ADAM12: variants seen among roughly 807,000 people sequenced by gnomAD.
ADAM12 encodes disintegrin and metalloproteinase domain-containing protein 12.
In ADAM12, 70 loss-of-function variants were observed where a neutral mutation model predicts 106.4. That is an observed-to-expected ratio of 0.66 (90% CI 0.54 to 0.80). The LOEUF (loss-of-function observed/expected upper bound fraction) is 0.80, where lower values mean the gene tolerates loss of function less well. Among genes scored for constraint, ADAM12 ranks in the 30% least tolerant of loss-of-function variants. The probability of loss-of-function intolerance (pLI) is 0.00; values close to 1 mark genes in which losing one functional copy is unlikely to be tolerated. For missense variants in ADAM12, 1,010 were observed against 1,171.9 expected (o/e 0.86, Z 2.02); for synonymous variants, 420 against 433.5 (o/e 0.97, Z 0.39).
intron 1 of ADAM12, among the ~76,000 whole-genome samples, chr10:126,359,149 C>A (rs1166111740): frequency 6.6e-6 from 1 of 152,080 alleles, no homozygotes; most frequent in African/African-American, 2.4e-5. Flanking sequence ...TGACCTGCAC[C>A]CATGATTCAA....
chr10:126,065,421 G>A (rs182544484), intron 13 of ADAM12, among the ~76,000 whole-genome samples: 270 of 152,276 alleles, frequency 1.8e-3, no homozygotes, highest in African/African-American at 6.3e-3. Flanking sequence ...GGCATGTGTG[G>A]GCAAGTTAAT....
chr10:126,094,465 A>G (rs3781031), intron 10 of ADAM12, among the ~76,000 whole-genome samples: 29,433 of 152,046 alleles, frequency 0.19, 4,008 homozygotes, highest in African/African-American at 0.35. Flanking sequence ...CATTGAATGA[A>G]GCAAAAAGTC....
intron 5 of ADAM12, 28 bp downstream of exon 5, chr10:126,135,556 T>C (rs1956389342): frequency 6.2e-7 from 1 of 1,606,746 alleles, no homozygotes; most frequent in South Asian, 1.1e-5. Context: ...GGCTGAAGAC[T>C]AGAGCCGCCA....
intron 11 of ADAM12, among the ~76,000 whole-genome samples, chr10:126,081,734 A>C (rs757406699): frequency 9.2e-5 from 14 of 152,204 alleles, no homozygotes; most frequent in Non-Finnish European, 8.8e-5. Flanking sequence ...AAACAAAAAG[A>C]TCAAAGTCTG....
intron 1 of ADAM12, among the ~76,000 whole-genome samples, chr10:126,374,891 A>G (rs1424683640): frequency 1.3e-5 from 2 of 152,134 alleles, no homozygotes; most frequent in South Asian, 4.1e-4. Context: ...AAACACACGA[A>G]TAAAATACAG....
intron 21 of ADAM12, among the ~76,000 whole-genome samples, chr10:126,023,475 TCA>T (rs1024256479): frequency 8.5e-5 from 13 of 152,172 alleles, no homozygotes; most frequent in African/African-American, 2.9e-4. Context: ...TGATACTCTT[TCA>T]CAGTGAGGAA....
At chr10:126,335,403 C>T (rs1392517681) in intron 1 of ADAM12, among the ~76,000 whole-genome samples, 1 of 152,102 alleles carries the variant, frequency 6.6e-6, no homozygotes, top group Non-Finnish European at 1.5e-5. Context: ...TAAGTGAAAG[C>T]AAAAAGTTGG....
At chr10:126,116,857 T>C (rs1309177459) in intron 6 of ADAM12, among the ~76,000 whole-genome samples, 1 of 152,150 alleles carries the variant, frequency 6.6e-6, no homozygotes, top group Non-Finnish European at 1.5e-5. Flanking sequence ...TTAGAAGGTA[T>C]CATTTGGGAT....
At chr10:126,129,052 T>G (rs1956259257) in intron 5 of ADAM12, among the ~76,000 whole-genome samples, 1 of 152,244 alleles carries the variant, frequency 6.6e-6, no homozygotes, top group Non-Finnish European at 1.5e-5. Context: ...CAGTCTCTAG[T>G]GTACGATCTG....
chr10:126,240,068 C>A lies in ADAM12; in HGVS notation c.260+38847G>T, dbSNP rs1256353662. Among the ~76,000 whole-genome samples, 3 of 152,212 alleles carry A rather than the reference C, an allele frequency of 2.0e-5. No homozygotes were observed. In the East Asian group the frequency reaches 5.8e-4, roughly 29 times the overall value. ...TCAGCTCCCTCCTGGCTTGCTGTAG[C>A]ATTGCGTCTACACTGCCCATTGGTG... On this transcript the variant is annotated intron_variant, in intron 3 of 22. Transcript: ENST00000448723.
At chr10:126,132,532 CCCCT>C (rs977873555) in intron 5 of ADAM12, among the ~76,000 whole-genome samples, 6 of 141,900 alleles carry the variant, frequency 4.2e-5, no homozygotes, top group African/African-American at 1.3e-4. Context: ...ACACCCCCCC[CCCCT>C]CAACTAGTCC....
intron 2 of ADAM12, among the ~76,000 whole-genome samples, chr10:126,301,152 T>C (rs1960604843): frequency 6.6e-6 from 1 of 152,092 alleles, no homozygotes; most frequent in South Asian, 2.1e-4. Flanking sequence ...GTACCCTCCC[T>C]CTCCCCAGCA....
intron 3 of ADAM12, among the ~76,000 whole-genome samples, chr10:126,183,656 G>C (rs565979798): frequency 6.6e-6 from 1 of 152,312 alleles, no homozygotes; most frequent in East Asian, 1.9e-4. Context: ...TGTCTCCTCT[G>C]TTCCCACACA....
chr10:126,368,871 A>G (rs566824338), intron 1 of ADAM12, among the ~76,000 whole-genome samples: 44 of 152,296 alleles, frequency 2.9e-4, no homozygotes, highest in Non-Finnish European at 4.4e-5. Context: ...AAACCCAAGC[A>G]AATGCATAGA....
chr10:126,205,074 C>T (rs996579686), intron 3 of ADAM12, among the ~76,000 whole-genome samples: 1 of 152,140 alleles, frequency 6.6e-6, no homozygotes, highest in African/African-American at 2.4e-5. Context: ...TACCTTTCCC[C>T]TGGAGTTCCA....
At chr10:126,132,536 T>C (rs1278326) in intron 5 of ADAM12, among the ~76,000 whole-genome samples, 3,118 of 90,764 alleles carry the variant, frequency 0.034, 60 homozygotes, top group East Asian at 0.11. Context: ...CCCCCCCCCC[T>C]CAACTAGTCC....
intron 3 of ADAM12, among the ~76,000 whole-genome samples, chr10:126,268,021 G>A (rs527942690): frequency 7.2e-5 from 11 of 152,184 alleles, no homozygotes; most frequent in South Asian, 2.1e-4. Context: ...ATTCAGTGGC[G>A]TTAAGCACAT....
rs1307519284 is a variant in ADAM12, at chr10:126,054,785, C to A, written c.1610-5116G>T. 2.7e-5 allele frequency among the ~76,000 whole-genome samples: 4 copies of A among 148,444 alleles called. No homozygotes were observed. In the East Asian group the frequency reaches 8.1e-4, roughly 30 times the overall value. On this transcript the variant is annotated intron_variant, in intron 14 of 22. Coordinates refer to ENST00000448723, the MANE Select transcript of ADAM12 (RefSeq NM_001288973.2). Reference sequence around the variant, plus strand: ...AGTGTGTAGAGCTCCTGGCATGTGGCAGACCCCTAGGAAACCCAAGTGATA... The same window carrying A: ...AGTGTGTAGAGCTCCTGGCATGTGGAAGACCCCTAGGAAACCCAAGTGATA...
At chr10:126,052,620 C>T (rs1297769471) in intron 14 of ADAM12, among the ~76,000 whole-genome samples, 2 of 151,930 alleles carry the variant, frequency 1.3e-5, no homozygotes, top group East Asian at 3.9e-4. Context: ...GAGAGTTGGA[C>T]AAGGTTGGAC....
Sources: allele counts gnomAD v4.1 joint callset (sites outside exome capture counted in the v4.1 genomes callset), GRCh38; gene constraint gnomAD v4.1.1; transcripts MANE v1.5; gene names NCBI Gene and HGNC (gene_info 2026-07-23, HGNC 2026-07-21).